PLXNA4: variants seen among roughly 807,000 people sequenced by gnomAD.
PLXNA4 encodes the protein plexin-A4.
A neutral mutation model predicts 191.8 loss-of-function variants in PLXNA4; 44 were observed. That is an observed-to-expected ratio of 0.23 (90% CI 0.18 to 0.29). PLXNA4 has a LOEUF of 0.29. Among genes scored for constraint, PLXNA4 ranks in the 10% least tolerant of loss-of-function variants. The pLI is 1.00. For missense variants in PLXNA4, 1,800 were observed against 2,488.8 expected (o/e 0.72, Z 5.89); for synonymous variants, 1,082 against 1,009.5 (o/e 1.07, Z -1.36).
At chr7:132,200,497 CTG>C (rs1311398592) in intron 12 of PLXNA4, among the ~76,000 whole-genome samples, 1 of 152,226 alleles carries the variant, frequency 6.6e-6, no homozygotes, top group Non-Finnish European at 1.5e-5. Flanking sequence ...TCCTCCAAGT[CTG>C]AGAATCACTG....
chr7:132,481,785 A>G (rs571817293), intron 3 of PLXNA4, among the ~76,000 whole-genome samples: 2 of 152,286 alleles, frequency 1.3e-5, no homozygotes, highest in East Asian at 1.9e-4. Context: ...TCTCTTGTCC[A>G]TCATCGAGCA....
intron 14 of PLXNA4, among the ~76,000 whole-genome samples, chr7:132,189,056 G>GAGAGAA (rs1797006842): frequency 2.0e-5 from 2 of 102,484 alleles, no homozygotes; most frequent in African/African-American, 1.1e-4. Flanking sequence ...GAGAGAGAGA[G>GAGAGAA]AGAGAGAGAG....
At chr7:132,366,094 G>C (rs1804172294) in intron 3 of PLXNA4, 1 of 152,244 alleles carries the variant, frequency 6.6e-6, no homozygotes, top group African/African-American at 2.4e-5. Context: ...AACACACACA[G>C]TACATTCAGA....
chr7:132,591,962 C>T (rs1385468982), intron 2 of PLXNA4, among the ~76,000 whole-genome samples: 1 of 152,200 alleles, frequency 6.6e-6, no homozygotes, highest in Non-Finnish European at 1.5e-5. Flanking sequence ...CTCTTTCCAC[C>T]TGCTGTTCAT....
At chr7:132,481,816 C>T (rs1278411382) in intron 3 of PLXNA4, among the ~76,000 whole-genome samples, 1 of 152,182 alleles carries the variant, frequency 6.6e-6, no homozygotes, top group Non-Finnish European at 1.5e-5. Context: ...TCCAGATGAA[C>T]GGAGCACCTG....
At chr7:132,551,947 T>C (rs1273966590) in intron 1 of PLXNA4, among the ~76,000 whole-genome samples, 1 of 151,766 alleles carries the variant, frequency 6.6e-6, no homozygotes, top group Non-Finnish European at 1.5e-5. Flanking sequence ...CAATGAGACA[T>C]GTAATCAAGG....
intron 2 of PLXNA4, among the ~76,000 whole-genome samples, chr7:132,636,460 A>G (rs1585420708): frequency 6.6e-6 from 1 of 152,286 alleles, no homozygotes; most frequent in South Asian, 2.1e-4. Flanking sequence ...AGCTTCAGAG[A>G]CCACATCAAG....
At chr7:132,567,467 T>C (rs1292145170) in intron 1 of PLXNA4, among the ~76,000 whole-genome samples, 2 of 152,218 alleles carry the variant, frequency 1.3e-5, no homozygotes, top group Non-Finnish European at 2.9e-5. Flanking sequence ...TGTACCCATC[T>C]GGATTCATCT....
chr7:132,235,189 C>T (rs114696664), intron 5 of PLXNA4, among the ~76,000 whole-genome samples: 1,552 of 152,324 alleles, frequency 0.01, 25 homozygotes, highest in African/African-American at 0.036. Context: ...TGGGATCCAA[C>T]TCCAGCCTCT....
chr7:132,413,779 G>A (rs1341443249), intron 3 of PLXNA4, among the ~76,000 whole-genome samples: 1 of 152,064 alleles, frequency 6.6e-6, no homozygotes, highest in Non-Finnish European at 1.5e-5. Flanking sequence ...ATATATTATG[G>A]AATCTACATA....
At chr7:132,539,345 T>G (rs1799975290) in intron 1 of PLXNA4, among the ~76,000 whole-genome samples, 1 of 152,186 alleles carries the variant, frequency 6.6e-6, no homozygotes, top group Non-Finnish European at 1.5e-5. Flanking sequence ...ACATTCCAAA[T>G]TACCGGCAGT....
chr7:132,255,435 T>C (rs1799399130), intron 4 of PLXNA4, among the ~76,000 whole-genome samples: 1 of 152,208 alleles, frequency 6.6e-6, no homozygotes, highest in Admixed American at 6.5e-5. Context: ...TCTGTCCTTA[T>C]AGGCACGACC....
chr7:132,378,738 C>G (rs1036541415), intron 3 of PLXNA4, among the ~76,000 whole-genome samples: 1 of 152,036 alleles, frequency 6.6e-6, no homozygotes, highest in Non-Finnish European at 1.5e-5. Context: ...ATTCTTTGAG[C>G]TGCTAAGATT....
chr7:132,487,886 C>T (rs917993269), intron 3 of PLXNA4, among the ~76,000 whole-genome samples: 1 of 152,186 alleles, frequency 6.6e-6, no homozygotes, highest in Non-Finnish European at 1.5e-5. Context: ...ATTGCGCTTA[C>T]CATTTTCTTC....
At chr7:132,228,106 C>T (rs957816045) in intron 6 of PLXNA4, among the ~76,000 whole-genome samples, 2 of 152,120 alleles carry the variant, frequency 1.3e-5, no homozygotes, top group African/African-American at 4.8e-5. Flanking sequence ...GGTGATGGTG[C>T]TCCCTGTCTT....
chr7:132,185,320 T>C lies in PLXNA4; in HGVS notation c.3137A>G (p.Glu1046Gly). Residue 1046 changes from glutamate (E) to glycine (G), a missense_variant, in exon 16 of 32, where the codon GAG (glutamate) becomes GGG (glycine). Transcript: ENST00000321063. Reference sequence around the variant, plus strand: ...CTACCTGACAATGCTCCATTCTGGCTCAATCCGCACGATGGTGGGGTCTTC... The same window carrying C: ...CTACCTGACAATGCTCCATTCTGGCCCAATCCGCACGATGGTGGGGTCTTC... Reference protein sequence around the residue: ...YVEDPTIVRIEPEWSIVSGNT... With the variant: ...YVEDPTIVRIGPEWSIVSGNT... 6.2e-7 allele frequency: 1 copy of C among 1,613,624 alleles called. No individual in the cohort carries two copies. The highest frequency in any genetic ancestry group is 8.5e-7 in the Non-Finnish European group (1 of 1,179,796).
intron 14 of PLXNA4, among the ~76,000 whole-genome samples, chr7:132,188,956 A>G (rs12666712): frequency 0.034 from 1,594 of 46,306 alleles, 108 homozygotes; most frequent in South Asian, 0.16. Flanking sequence ...CCAGAGAGGA[A>G]AGGAAAGGAA....
intron 25 of PLXNA4, among the ~76,000 whole-genome samples, chr7:132,151,531 GGAGGAGGAGGAGAA>G (rs1795637533): frequency 4.2e-5 from 5 of 118,846 alleles, no homozygotes; most frequent in Admixed American, 8.1e-5. Context: ...GGAGGAGAAA[GGAGGAGGAGGAGAA>G]AGGAGGAGGA....
chr7:132,472,776 G>A (rs1401555091), intron 3 of PLXNA4, among the ~76,000 whole-genome samples: 1 of 152,188 alleles, frequency 6.6e-6, no homozygotes, highest in African/African-American at 2.4e-5. Context: ...CTCACTAAAA[G>A]GGAGCACCAA....
Sources: gnomAD v4.1 joint callset for allele counts (sites outside exome capture counted in the v4.1 genomes callset) on GRCh38, gnomAD v4.1.1 for gene constraint, MANE v1.5 for transcripts, NCBI Gene and HGNC (gene_info 2026-07-23, HGNC 2026-07-21) for gene names.